Variants in GLRA2 observed in about 807,000 individuals in gnomAD.
GLRA2 encodes the protein glycine receptor alpha 2.
A neutral mutation model predicts 31.6 loss-of-function variants in GLRA2; 11 were observed. The observed-to-expected ratio is 0.35, with a 90% CI of 0.22 to 0.58. The LOEUF (loss-of-function observed/expected upper bound fraction) is 0.58. Among genes scored for constraint, GLRA2 ranks in the 20% least tolerant of loss-of-function variants. The pLI, the probability that GLRA2 is intolerant of heterozygous loss-of-function variation, is 0.84. For synonymous variants in GLRA2, 132 were observed against 134.0 expected, an observed-to-expected ratio of 0.99 and a Z score of 0.10; for missense variants, 212 against 351.8, an observed-to-expected ratio of 0.60 and a Z score of 3.18.
rs180712567 is a variant in GLRA2, at chrX:14,664,952, A to G, written c.931-25758A>G. Among the ~76,000 whole-genome samples, 947 of 111,630 alleles carry G rather than the reference A, an allele frequency of 8.5e-3. 22 individuals carry two copies. Among genetic ancestry groups the G allele is most frequent in the Admixed American group, 0.082 (859 of 10,433 alleles). On this transcript the variant is annotated intron_variant, in intron 7 of 8. Transcript: ENST00000218075. ...GGCAGCCTAACACATTGGTACTCAG[A>G]TATGGATCAGTAGCACGCCATCAGC...
At chrX:14,559,608 G>A (rs1200642553) in intron 2 of GLRA2, among the ~76,000 whole-genome samples, 3 of 107,668 alleles carry the variant, frequency 2.8e-5, no homozygotes, top group Admixed American at 1.0e-4. Flanking sequence ...TAGTAGAGAC[G>A]GAGTTTTGCC....
chrX:14,658,380 G>A (rs1484619131), intron 7 of GLRA2, among the ~76,000 whole-genome samples: 2 of 111,391 alleles, frequency 1.8e-5, no homozygotes, highest in African/African-American at 6.5e-5. Flanking sequence ...CGTCTTTATT[G>A]CATTATCTTT....
the GLRA2 span, among the ~76,000 whole-genome samples, chrX:14,509,796 T>C: frequency 8.9e-6 from 1 of 112,526 alleles, no homozygotes; most frequent in Non-Finnish European, 1.9e-5. Context: ...CTTTGTCATC[T>C]TTTGGATGAA....
chrX:14,724,648 A>AC lies in GLRA2; in HGVS notation c.1081-5559_1081-5558insC, dbSNP rs1297954177. Among the ~76,000 whole-genome samples, 3 of 92,042 alleles carry AC rather than the reference A, an allele frequency of 3.3e-5. No homozygotes were observed. In the East Asian group the frequency reaches 9.0e-4, roughly 28 times the overall value. 79.9% of individuals were successfully genotyped at this position (92,042 alleles called of 115,157 possible). On this transcript the variant is annotated intron_variant, in intron 8 of 8. Transcript: ENST00000218075. ...TCTCAAAAAAAAAAAAAAAAAAAAA[A>AC]AAAACAAGAAGAAGAATGGCAGTTG...
the GLRA2 span, among the ~76,000 whole-genome samples, chrX:14,522,532 T>C: frequency 8.9e-6 from 1 of 112,232 alleles, no homozygotes; most frequent in African/African-American, 3.2e-5. Context: ...CAGAAGGTTT[T>C]CGATTTACTT....
At chrX:14,549,054 T>C (rs898848962) in intron 2 of GLRA2, among the ~76,000 whole-genome samples, 2 of 111,898 alleles carry the variant, frequency 1.8e-5, no homozygotes, top group Non-Finnish European at 3.8e-5. Context: ...TATTTTTCTC[T>C]AGAGGGCCCG....
rs145247012 is a variant in GLRA2 at position 14,670,371 on chromosome X, A to C, written c.931-20339A>C. ...CAAAGTCACTTCCATATTTTTGGCTATCTTTTCAGCAATACCCCACTCTAT... is the reference window on the plus strand; with the variant it reads ...CAAAGTCACTTCCATATTTTTGGCTCTCTTTTCAGCAATACCCCACTCTAT... On this transcript the variant is annotated intron_variant, in intron 7 of 8. Transcript: ENST00000218075. Among the ~76,000 whole-genome samples the C allele has an allele frequency of 7.7e-3, 858 of 112,029 alleles. 3 individuals are homozygous for C. Among genetic ancestry groups the C allele is most frequent in the Non-Finnish European group, 0.01 (553 of 53,216 alleles).
At chrX:14,555,095 T>A (rs1467382610) in intron 2 of GLRA2, among the ~76,000 whole-genome samples, 2 of 112,156 alleles carry the variant, frequency 1.8e-5, no homozygotes, top group Non-Finnish European at 3.8e-5. Context: ...ACTTTTAAAA[T>A]CCAGCTCATT....
chrX:14,571,426 C>T lies in GLRA2; in HGVS notation c.203-2907C>T, dbSNP rs73199655. On this transcript the variant is annotated intron_variant, in intron 2 of 8. Coordinates refer to ENST00000218075, the MANE Select transcript of GLRA2 (RefSeq NM_002063.4). Reference sequence around the variant, plus strand: ...GTTATCTACAATTCAACCCAAAGAACTTGCAGGTCAACTTCCATATTTAGG... The same window carrying T: ...GTTATCTACAATTCAACCCAAAGAATTTGCAGGTCAACTTCCATATTTAGG... 4.9e-3 allele frequency among the ~76,000 whole-genome samples: 546 copies of T among 112,058 alleles called. 1 individual carries two copies. Among genetic ancestry groups the T allele is most frequent in the Non-Finnish European group, 8.8e-3 (468 of 53,168 alleles).
chrX:14,600,369 T>C (rs1362947538), intron 4 of GLRA2, among the ~76,000 whole-genome samples: 2 of 111,532 alleles, frequency 1.8e-5, no homozygotes, highest in Admixed American at 1.9e-4. Flanking sequence ...TAAAAGAACA[T>C]GTTCTTTTAA....
chrX:14,508,162 G>C, the GLRA2 span, among the ~76,000 whole-genome samples: 1 of 111,822 alleles, frequency 8.9e-6, no homozygotes, highest in Non-Finnish European at 1.9e-5. Flanking sequence ...ATTAACACTT[G>C]TTCAAAACAT....
the GLRA2 span, among the ~76,000 whole-genome samples, chrX:14,480,275 A>T: frequency 8.9e-6 from 1 of 112,022 alleles, no homozygotes; most frequent in Admixed American, 9.5e-5. Context: ...CCTTTGTCAG[A>T]TGCATAGTTT....
At chrX:14,611,724 A>C (rs2147098794) in intron 7 of GLRA2, among the ~76,000 whole-genome samples, 1 of 112,128 alleles carries the variant, frequency 8.9e-6, no homozygotes, top group African/African-American at 3.2e-5. Context: ...TGCAGGCAAC[A>C]ACTTTGTCTT....
At chrX:14,627,079 G>A (rs1453272205) in intron 7 of GLRA2, among the ~76,000 whole-genome samples, 1 of 110,681 alleles carries the variant, frequency 9.0e-6, no homozygotes, top group Non-Finnish European at 1.9e-5. Flanking sequence ...TTCGTTTTGT[G>A]GTGATTCATT....
the GLRA2 span, among the ~76,000 whole-genome samples, chrX:14,456,673 C>T: frequency 8.9e-6 from 1 of 112,221 alleles, no homozygotes; most frequent in African/African-American, 3.2e-5. Context: ...TCCATGTTAC[C>T]ATGAATGACA....
chrX:14,654,819 G>A (rs2090924106), intron 7 of GLRA2, among the ~76,000 whole-genome samples: 1 of 111,749 alleles, frequency 8.9e-6, no homozygotes, highest in African/African-American at 3.3e-5. Context: ...GTTCCACATG[G>A]CTGGGGAGGC....
chrX:14,454,491 A>C, the GLRA2 span, among the ~76,000 whole-genome samples: 1 of 110,612 alleles, frequency 9.0e-6, no homozygotes, highest in Non-Finnish European at 1.9e-5. Context: ...ACAACCTTTC[A>C]GTAAATTATA....
intron 7 of GLRA2, among the ~76,000 whole-genome samples, chrX:14,617,932 C>A (rs1013467751): frequency 8.9e-6 from 1 of 111,903 alleles, no homozygotes; most frequent in African/African-American, 3.2e-5. Flanking sequence ...AGCACCTGAA[C>A]TAAATTTTTT....
At chrX:14,494,775 C>G in the GLRA2 span, among the ~76,000 whole-genome samples, 1 of 111,651 alleles carries the variant, frequency 9.0e-6, no homozygotes, top group Admixed American at 9.5e-5. Context: ...CTGGGAATCA[C>G]CTGACTCCCG....
Sources: gnomAD v4.1 joint callset for allele counts (sites outside exome capture counted in the v4.1 genomes callset) on GRCh38, gnomAD v4.1.1 for gene constraint, MANE v1.5 for transcripts, NCBI Gene and HGNC (gene_info 2026-07-23, HGNC 2026-07-21) for gene names.